Variants in PDE6B observed in about 807,000 individuals in gnomAD.
The protein encoded by PDE6B is phosphodiesterase 6B.
In PDE6B, 106 loss-of-function variants were observed where a neutral mutation model predicts 109.0. The ratio of observed to expected loss-of-function variants is 0.97; its 90% CI spans 0.83 to 1.14. PDE6B has a LOEUF of 1.14. Among genes scored for constraint, PDE6B ranks in the 50% most tolerant of loss-of-function variants. The pLI is 0.00. For synonymous variants in PDE6B, 490 were observed against 471.3 expected (o/e 1.04, Z -0.51); for missense variants, 1,193 against 1,155.6 (o/e 1.03, Z -0.47).
intron 3 of PDE6B, among the ~76,000 whole-genome samples, chr4:646,375 AC>A (rs1291231586): frequency 6.6e-6 from 1 of 150,904 alleles, no homozygotes; most frequent in Non-Finnish European, 1.5e-5. Flanking sequence ...ATGTTCCCCC[AC>A]CCCCAGCTTC....
At position 659,000 on chromosome 4, in the gene PDE6B, G is replaced by T; in HGVS notation, c.1450G>T (p.Glu484Ter). 6.2e-7 allele frequency: 1 copy of T among 1,613,338 alleles called. No homozygotes were observed. The change falls in exon 11 of 22, where the codon GAG becomes TAG. Residue 484 changes from glutamate (E) to a stop codon, truncating the protein, a stop_gained. Coordinates refer to ENST00000496514, the MANE Select transcript of PDE6B (RefSeq NM_000283.4). LOFTEE classifies it high-confidence loss of function. ...GKEPADCDEDELGEILKEELP... is the reference protein window; with the variant it reads ...GKEPADCDED Reference sequence around the variant, plus strand: ...GGAGCCTGCTGACTGCGATGAGGACGAGCTGGGCGAAATCCTGGTAAGAAC... The same window carrying T: ...GGAGCCTGCTGACTGCGATGAGGACTAGCTGGGCGAAATCCTGGTAAGAAC...
intron 17 of PDE6B, among the ~76,000 whole-genome samples, 193 bp from the exon 18 acceptor site, chr4:664,688 C>T (rs990984173): frequency 2.6e-5 from 4 of 152,232 alleles, no homozygotes; most frequent in East Asian, 1.9e-4. Context: ...TGGTGGCGGG[C>T]GCCTGTAATC....
Position 663,975 on chromosome 4 carries a change from C to G in PDE6B, c.2021+105C>G. The G allele has an allele frequency of 9.1e-7, 1 of 1,100,466 alleles. No homozygotes were observed. The allele number at this position is 1,100,466 out of a possible 1,614,324, so 68.2% of individuals were successfully genotyped here. A position where few individuals can be genotyped will look rare whatever the true frequency, so the allele number is the denominator to read the frequency against. On this transcript the variant is annotated intron_variant, in intron 16 of 21. Coordinates refer to ENST00000496514, the MANE Select transcript of PDE6B (RefSeq NM_000283.4). The surrounding 1 kb of genome is among the most constrained non-coding windows in gnomAD (Gnocchi z 4.0). ...CGGCACAGCCCGGGGGACGCAGCCCCGGATTCCGTCCCTGCCCGCCGGCCC... is the reference window on the plus strand; with the variant it reads ...CGGCACAGCCCGGGGGACGCAGCCCGGGATTCCGTCCCTGCCCGCCGGCCC...
Position 648,913 on chromosome 4 carries a change from T to C in PDE6B, c.712-4939T>C, listed in dbSNP as rs1735347129. Among the ~76,000 whole-genome samples the C allele has an allele frequency of 6.6e-6, 1 of 152,190 alleles. No individual in the cohort carries two copies. Among genetic ancestry groups the C allele is most frequent in the South Asian group, 2.1e-4 (1 of 4,828 alleles). Reference sequence around the variant, plus strand: ...AGGCATGGGAGGAGCGGGGGAGCCTTCTGTCTCTGCAGGTCTGACTCCTGC... The same window carrying C: ...AGGCATGGGAGGAGCGGGGGAGCCTCCTGTCTCTGCAGGTCTGACTCCTGC... On this transcript the variant is annotated intron_variant, in intron 3 of 21. Coordinates refer to ENST00000496514, the MANE Select transcript of PDE6B (RefSeq NM_000283.4). This position sits in a 1 kb window ranked among gnomAD's most constrained non-coding sequence, Gnocchi z 4.5.
chr4:627,173 G>A (rs1734152172), intron 1 of PDE6B, among the ~76,000 whole-genome samples: 1 of 149,926 alleles, frequency 6.7e-6, no homozygotes, highest in Admixed American at 6.6e-5. Flanking sequence ...TTGAGACAGA[G>A]TCTTGCTCTG....
Position 664,885 on chromosome 4 carries a change from A to G in PDE6B, c.2134A>G (p.Met712Val), listed in dbSNP as rs1268022492. Residue 712 changes from methionine to valine, a missense_variant, in exon 18 of 22, where the codon ATG (methionine) becomes GTG (valine). By Grantham distance (21) the Met-to-Val change is conservative (BLOSUM62 1). Transcript: ENST00000496514. ...ETTRKEIVMA[M>V]MMTACDLSAI... is the part of the protein sequence containing the mutation. The stretch of plus-strand genomic sequence containing the variant: ...GTGCCCGGTTTGTGTCTGCAGGGCC[A>G]TGATGATGACAGCCTGCGACCTGTC... 1 of 1,613,098 alleles carries G rather than the reference A, an allele frequency of 6.2e-7. No individual in the cohort carries two copies. The highest frequency in any genetic ancestry group is 2.2e-5 in the East Asian group (1 of 44,888).
chr4:661,878 C>T (rs1577295937), intron 12 of PDE6B: 2 of 531,756 alleles, frequency 3.8e-6, no homozygotes, highest in Admixed American at 3.1e-5. Flanking sequence ...GCTGGGCGGC[C>T]CCTGAAGGCT....
rs1198251119 is a variant in PDE6B at position 670,179 on chromosome 4, A to T, written c.*72A>T. The T allele has an allele frequency of 6.2e-7, 1 of 1,604,062 alleles. No individual in the cohort carries two copies. Among genetic ancestry groups the T allele is most frequent in the Non-Finnish European group, 8.5e-7 (1 of 1,174,392 alleles). On this transcript the variant is annotated 3_prime_UTR_variant, in exon 22 of 22. Transcript: ENST00000496514. ...TAGGATTTGGGTTCTGCCTGTGGCT[A>T]TTTGCTACAAGAGGTTAGGAAGCCC...
chr4:656,201 C>A, intron 7 of PDE6B, 44 bp from the exon 8 acceptor site: 1 of 1,387,288 alleles, frequency 7.2e-7, no homozygotes, highest in Non-Finnish European at 1.0e-6. Context: ...CATAACAGAC[C>A]TTCCGCTGTT....
chr4:649,633 G>A (rs910386468), intron 3 of PDE6B, among the ~76,000 whole-genome samples: 2 of 152,242 alleles, frequency 1.3e-5, no homozygotes, highest in African/African-American at 4.8e-5. Context: ...CTGTTCGCTG[G>A]TGGACCCACA....
At chr4:644,464 C>A (rs1381035916) in intron 3 of PDE6B, among the ~76,000 whole-genome samples, 1 of 151,882 alleles carries the variant, frequency 6.6e-6, no homozygotes, top group Non-Finnish European at 1.5e-5. Context: ...GGGTATTGTG[C>A]TGTTGGTGGA....
At chr4:661,752 G>GCC in intron 12 of PDE6B, 1 of 321,986 alleles carries the variant, frequency 3.1e-6, no homozygotes, top group South Asian at 2.6e-5. Flanking sequence ...TCCCACCCCA[G>GCC]CCTGCAGCCC....
intron 3 of PDE6B, among the ~76,000 whole-genome samples, chr4:644,688 C>A (rs1369444325): frequency 6.6e-6 from 1 of 151,956 alleles, no homozygotes; most frequent in Non-Finnish European, 1.5e-5. Flanking sequence ...CGCCACCACG[C>A]CCACCTACTT....
chr4:667,939 T>C lies in PDE6B; in HGVS notation c.2436T>C (p.Asp812=), dbSNP rs1737990142. The C allele has an allele frequency of 6.2e-7, 1 of 1,612,960 alleles. No individual in the cohort carries two copies. Among genetic ancestry groups the C allele is most frequent in the South Asian group, 1.1e-5 (1 of 91,046 alleles). Residue 812 remains aspartate, a synonymous_variant, in exon 21 of 22, where the codon GAT becomes GAC. Coordinates refer to ENST00000496514, the MANE Select transcript of PDE6B (RefSeq NM_000283.4). ...NNRKEWKALA[D]EYEAKVKALE... Reference sequence around the variant, plus strand: ...GGAAAGAGTGGAAGGCGCTGGCTGATGAGTATGAGGCCAAAGTGAAGGCTC... The same window carrying C: ...GGAAAGAGTGGAAGGCGCTGGCTGACGAGTATGAGGCCAAAGTGAAGGCTC...
At position 653,938 on chromosome 4, in the gene PDE6B, C is replaced by T. The variant is rs780540276; in HGVS notation, c.798C>T (p.Ala266=). 1 of 1,613,894 alleles carries T rather than the reference C, an allele frequency of 6.2e-7. No individual in the cohort carries two copies. Among genetic ancestry groups the T allele is most frequent in the East Asian group, 2.2e-5 (1 of 44,880 alleles). ...QFHKAFYTVR[A]YLNCERYSVG... is the part of the protein sequence containing the mutation. ...ACAAGGCCTTCTACACGGTGCGGGCCTACCTCAACTGCGAGCGGTACTCCG... is the reference window on the plus strand; with the variant it reads ...ACAAGGCCTTCTACACGGTGCGGGCTTACCTCAACTGCGAGCGGTACTCCG... The change falls in exon 4 of 22, where the codon GCC becomes GCT. Residue 266 remains alanine, a synonymous_variant. Coordinates refer to ENST00000496514, the MANE Select transcript of PDE6B (RefSeq NM_000283.4).
intron 1 of PDE6B, among the ~76,000 whole-genome samples, chr4:629,777 G>A (rs949244877): frequency 3.3e-5 from 5 of 152,256 alleles, no homozygotes; most frequent in African/African-American, 9.6e-5. Flanking sequence ...GAGCACAGAC[G>A]GCAGAGGAGG....
In PDE6B at chr4:660,856, A is replaced by G. The variant is rs13119162; in HGVS notation, c.1614+243A>G. ...GATGGCTGGATTGATGGATGGCTGGATGGGTGAAAAGCAGGGAGGAAGGAG... is the reference window on the plus strand; with the variant it reads ...GATGGCTGGATTGATGGATGGCTGGGTGGGTGAAAAGCAGGGAGGAAGGAG... On this transcript the variant is annotated intron_variant, in intron 12 of 21. Transcript: ENST00000496514. Among the ~76,000 whole-genome samples the G allele has an allele frequency of 0.19, 28,472 of 151,754 alleles. 3,146 individuals are homozygous for G. The highest frequency in any genetic ancestry group is 0.3 in the African/African-American group (12,496 of 41,294).
chr4:642,513 A>T (rs1471356529), intron 3 of PDE6B, among the ~76,000 whole-genome samples: 1 of 150,592 alleles, frequency 6.6e-6, no homozygotes, highest in East Asian at 2.0e-4. Context: ...GAATGACATC[A>T]CCCAGCATGG....
At position 665,941 on chromosome 4, in the gene PDE6B, G is replaced by A. The variant is rs1296348034; in HGVS notation, c.2269-590G>A. ...GTGGAGAGGGCTTAGGCCAGGTGCAGCCTCGGCAGGAAAGGGGGCATTGGT... is the reference window on the plus strand; with the variant it reads ...GTGGAGAGGGCTTAGGCCAGGTGCAACCTCGGCAGGAAAGGGGGCATTGGT... On this transcript the variant is annotated intron_variant, in intron 19 of 21. Coordinates refer to ENST00000496514, the MANE Select transcript of PDE6B (RefSeq NM_000283.4). This position sits in a 1 kb window ranked among gnomAD's most constrained non-coding sequence, Gnocchi z 4.0. Among the ~76,000 whole-genome samples, 1 of 152,180 alleles carries A rather than the reference G, an allele frequency of 6.6e-6. No homozygotes were observed. The highest frequency in any genetic ancestry group is 1.5e-5 in the Non-Finnish European group (1 of 68,024).
Sources: gnomAD v4.1 joint callset for allele counts (sites outside exome capture counted in the v4.1 genomes callset) on GRCh38, gnomAD v4.1.1 for gene constraint, Gnocchi (gnomAD v3.1) non-coding constraint, MANE v1.5 for transcripts, NCBI Gene and HGNC (gene_info 2026-07-23, HGNC 2026-07-21) for gene names.